AGBL5: variants seen among roughly 807,000 people sequenced by gnomAD.
AGBL5 encodes cytosolic carboxypeptidase-like protein 5.
A neutral mutation model predicts 88.0 loss-of-function variants in AGBL5; 51 were observed. The observed-to-expected ratio is 0.58, with a 90% confidence interval of 0.46 to 0.73. The LOEUF (loss-of-function observed/expected upper bound fraction) is 0.73. Ranked by LOEUF, AGBL5 falls within the 30% of genes least tolerant of loss-of-function variation. The pLI is 0.00. For missense variants in AGBL5, 1,031 were observed against 1,162.2 expected, an observed-to-expected ratio of 0.89 and a Z score of 1.64; for synonymous variants, 446 against 438.8, an observed-to-expected ratio of 1.02 and a Z score of -0.21.
intron 11 of AGBL5, among the ~76,000 whole-genome samples, chr2:27,063,838 A>G (rs994482644): frequency 6.6e-6 from 1 of 152,052 alleles, no homozygotes; most frequent in South Asian, 2.1e-4. Context: ...GACCTCTTAG[A>G]CCTTTGCCCA....
intron 8 of AGBL5, 133 bp from the exon 9 acceptor site, chr2:27,057,170 T>TG (rs1326718745): frequency 5.0e-6 from 5 of 1,003,696 alleles, no homozygotes; most frequent in African/African-American, 1.6e-5. Flanking sequence ...CTAGTTGCTA[T>TG]GGATTATTAG....
At position 27,070,100 on chromosome 2, in the gene AGBL5, A is replaced by C; in HGVS notation, c.2498A>C (p.Gln833Pro). The change falls in exon 15 of 15, where the codon CAG becomes CCG. Residue 833 changes from glutamine (Q) to proline (P), a missense_variant. Around this residue, in one of 2 missense-constraint regions of AGBL5, gnomAD observed 491 missense variants for 484.0 expected, o/e 1.01. Transcript: ENST00000360131. ...TCTCTTTTCTGTTGCAGGCTGCCTC[A>C]GGCCAGGCCCCCACGGCCCCGCTCT... ...GSCSATPGLP[Q>P]ARPPRPRSAP... The C allele has an allele frequency of 6.2e-7, 1 of 1,611,672 alleles. No homozygotes were observed. The highest frequency in any genetic ancestry group is 8.5e-7 in the Non-Finnish European group (1 of 1,178,102).
At chr2:27,068,978 C>T (rs994114273) in intron 13 of AGBL5, 5 of 1,476,588 alleles carry the variant, frequency 3.4e-6, no homozygotes, top group Non-Finnish European at 4.5e-6. Context: ...GCCAGATATA[C>T]CCCAACCTTA....
Position 27,056,684 on chromosome 2 carries a change from G to A in AGBL5, c.1427G>A (p.Gly476Asp). ...SLNSAHFDFQ[G>D]CNFSEKNMYA... ...AATTCAGCCCACTTCGACTTCCAGG[G>A]CTGCAATTTCTCAGAGAAGAATATG... The change falls in exon 8 of 15, where the codon GGC becomes GAC. Residue 476 changes from glycine to aspartate, a missense_variant. By Grantham distance (94) the Gly-to-Asp change is moderately conservative. Transcript: ENST00000360131. The A allele has an allele frequency of 6.2e-7, 1 of 1,613,434 alleles. No homozygotes were observed. The highest frequency in any genetic ancestry group is 8.5e-7 in the Non-Finnish European group (1 of 1,179,574).
At chr2:27,054,443 C>T (rs1382230957) in intron 4 of AGBL5, among the ~76,000 whole-genome samples, 187 bp from the exon 5 acceptor site, 1 of 152,042 alleles carries the variant, frequency 6.6e-6, no homozygotes, top group East Asian at 1.9e-4. Flanking sequence ...TCACCCTGTC[C>T]TGTACTCTTC....
chr2:27,056,496 GA>G (rs1172726559), intron 7 of AGBL5, 126 bp from the exon 8 acceptor site: 10 of 845,144 alleles, frequency 1.2e-5, no homozygotes, highest in Non-Finnish European at 1.8e-5. Context: ...AGGCAGCACT[GA>G]TTACTGTTAA....
At position 27,053,586 on chromosome 2, in the gene AGBL5, T is replaced by C. The variant is rs1668285222; in HGVS notation, c.387+13T>C. Reference sequence around the variant, plus strand: ...GCCCACCTTTGAGGTAAGTTCTCCATGAGGAGGAAAGAAAGACTTGGGTGC... The same window carrying C: ...GCCCACCTTTGAGGTAAGTTCTCCACGAGGAGGAAAGAAAGACTTGGGTGC... On this transcript the variant is annotated intron_variant, in intron 3 of 14. Coordinates refer to ENST00000360131, the MANE Select transcript of AGBL5 (RefSeq NM_021831.6). This position sits in a 1 kb window ranked among gnomAD's most constrained non-coding sequence, Gnocchi z 4.9. 1 of 1,599,630 alleles carries C rather than the reference T, an allele frequency of 6.3e-7. No homozygotes were observed. The highest frequency in any genetic ancestry group is 2.2e-5 in the East Asian group (1 of 44,700).
chr2:27,053,686 G>A lies in AGBL5; in HGVS notation c.387+113G>A. 2 of 1,437,840 alleles carry A rather than the reference G, an allele frequency of 1.4e-6. No homozygotes were observed. The highest frequency in any genetic ancestry group is 1.9e-6 in the Non-Finnish European group (2 of 1,080,046). The allele number at this position is 1,437,840 out of a possible 1,614,324, so 89.1% of individuals were successfully genotyped here. On this transcript the variant is annotated intron_variant, in intron 3 of 14. Coordinates refer to ENST00000360131, the MANE Select transcript of AGBL5 (RefSeq NM_021831.6). The surrounding 1 kb of genome is among the most constrained non-coding windows in gnomAD (Gnocchi z 4.9). ...GAAGCAGGTGGGACAACAGGTTTAA[G>A]TATCAGCTTTTTCTCCAGTGTTAGC...
chr2:27,069,541 C>T (rs1669170593), intron 13 of AGBL5, 32 bp from the exon 14 acceptor site: 2 of 1,599,152 alleles, frequency 1.3e-6, no homozygotes, highest in East Asian at 4.5e-5. Context: ...ATGGAAGAAT[C>T]CAGCCTCTTA....
intron 10 of AGBL5, 51 bp downstream of exon 10, chr2:27,058,653 T>G: frequency 6.3e-7 from 1 of 1,588,608 alleles, no homozygotes; most frequent in Non-Finnish European, 8.6e-7. Context: ...GGGACAGGGC[T>G]CTAGAGCTAG....
At chr2:27,063,597 A>AC (rs1351146008) in intron 11 of AGBL5, among the ~76,000 whole-genome samples, 1 of 151,090 alleles carries the variant, frequency 6.6e-6, no homozygotes, top group Non-Finnish European at 1.5e-5. Context: ...TCCGTCTCAA[A>AC]AAAAAAAAAA....
chr2:27,053,260 C>T lies in AGBL5; in HGVS notation c.215+87C>T, dbSNP rs997914237. On this transcript the variant is annotated intron_variant, in intron 2 of 14. Coordinates refer to ENST00000360131, the MANE Select transcript of AGBL5 (RefSeq NM_021831.6). The surrounding 1 kb of genome is among the most constrained non-coding windows in gnomAD (Gnocchi z 4.9). Reference sequence around the variant, plus strand: ...GACTTATCTGTTCATACCCAGCATACTCCCTGTCCATTTCTGACCCATCGT... The same window carrying T: ...GACTTATCTGTTCATACCCAGCATATTCCCTGTCCATTTCTGACCCATCGT... 1.8e-5 allele frequency: 28 copies of T among 1,518,008 alleles called. No individual in the cohort carries two copies. The highest frequency in any genetic ancestry group is 2.3e-5 in the Non-Finnish European group (26 of 1,121,210). The allele number at this position is 1,518,008 out of a possible 1,614,324, so 94.0% of individuals were successfully genotyped here.
At position 27,053,043 on chromosome 2, in the gene AGBL5, T is replaced by A. The variant is rs748505939; in HGVS notation, c.85T>A (p.Ser29Thr). 127 of 1,613,728 alleles carry A rather than the reference T, an allele frequency of 7.9e-5. No individual in the cohort carries two copies. The highest frequency in any genetic ancestry group is 1.1e-4 in the Non-Finnish European group (126 of 1,179,916). The change falls in exon 2 of 15, where the codon TCC (serine) becomes ACC (threonine). Residue 29 changes from serine (S) to threonine (T), a missense_variant. By Grantham distance (58) the Ser-to-Thr change is moderately conservative. Around this residue, in one of 2 missense-constraint regions of AGBL5, gnomAD observed 540 missense variants for 678.2 expected, o/e 0.80. Coordinates refer to ENST00000360131, the MANE Select transcript of AGBL5 (RefSeq NM_021831.6). The surrounding 1 kb of genome is among the most constrained non-coding windows in gnomAD (Gnocchi z 4.9). ...CCACGTGGAGAAGGTGGAATCTTTG[T>A]CCAGTGATGGGGAAGGGGTAGGAGG... ...LAHVEKVESL[S>T]SDGEGVGGGA... is the part of the protein sequence containing the mutation.
intron 8 of AGBL5, 42 bp downstream of exon 8, chr2:27,056,834 T>C: frequency 6.4e-7 from 1 of 1,558,412 alleles, no homozygotes; most frequent in Admixed American, 1.8e-5. Context: ...ATAGCTTCCC[T>C]AAAGAAAACA....
At position 27,053,800 on chromosome 2, in the gene AGBL5, G is replaced by A; in HGVS notation, c.388-96G>A. On this transcript the variant is annotated intron_variant, in intron 3 of 14. Transcript: ENST00000360131. This position sits in a 1 kb window ranked among gnomAD's most constrained non-coding sequence, Gnocchi z 4.9. Reference sequence around the variant, plus strand: ...GTCACAGGGAGGGAAGTTGGTAAAGGTGATAAGGGTGTGAGGTCAGTTCCT... The same window carrying A: ...GTCACAGGGAGGGAAGTTGGTAAAGATGATAAGGGTGTGAGGTCAGTTCCT... 2 of 1,493,846 alleles carry A rather than the reference G, an allele frequency of 1.3e-6. No individual in the cohort carries two copies. Among genetic ancestry groups the A allele is most frequent in the South Asian group, 1.3e-5 (1 of 74,846 alleles). 92.5% of individuals were successfully genotyped at this position (1,493,846 alleles called of 1,614,324 possible).
Position 27,070,117 on chromosome 2 carries a change from C to G in AGBL5, c.2515C>G (p.Pro839Ala). The G allele has an allele frequency of 6.2e-7, 1 of 1,614,056 alleles. No individual in the cohort carries two copies. The highest frequency in any genetic ancestry group is 1.3e-5 in the African/African-American group (1 of 75,042). The change falls in exon 15 of 15, where the codon CCC becomes GCC. Residue 839 changes from proline to alanine, a missense_variant. Coordinates refer to ENST00000360131, the MANE Select transcript of AGBL5 (RefSeq NM_021831.6). Reference sequence around the variant, plus strand: ...GCTGCCTCAGGCCAGGCCCCCACGGCCCCGCTCTGCCCCTGCCTTTTCTCC... The same window carrying G: ...GCTGCCTCAGGCCAGGCCCCCACGGGCCCGCTCTGCCCCTGCCTTTTCTCC... Reference protein sequence around the residue: ...PGLPQARPPRPRSAPAFSPIS... With the variant: ...PGLPQARPPRARSAPAFSPIS...
At chr2:27,067,319 T>C (rs955531734) in intron 11 of AGBL5, among the ~76,000 whole-genome samples, 175 bp from the exon 12 acceptor site, 13 of 147,806 alleles carry the variant, frequency 8.8e-5, no homozygotes, top group African/African-American at 2.5e-4. Context: ...CTGTAATAAA[T>C]AGTAGGTCTT....
chr2:27,059,532 A>G (rs1251651277), intron 11 of AGBL5, 128 bp downstream of exon 11: 1 of 1,534,036 alleles, frequency 6.5e-7, no homozygotes, highest in Non-Finnish European at 8.7e-7. Flanking sequence ...AGTTTGTAGC[A>G]GAACCTGTGG....
At position 27,057,357 on chromosome 2, in the gene AGBL5, T is replaced by C; in HGVS notation, c.1590T>C (p.Ala530=). ...NTGRSVNSIP[A]ACHDNGRASP... is the part of the protein sequence containing the mutation. Reference sequence around the variant, plus strand: ...GACGCTCAGTAAACAGCATCCCTGCTGCCTGCCATGACAATGGGCGTGCCA... The same window carrying C: ...GACGCTCAGTAAACAGCATCCCTGCCGCCTGCCATGACAATGGGCGTGCCA... Residue 530 remains alanine, a synonymous_variant, in exon 9 of 15, where the codon GCT becomes GCC. Coordinates refer to ENST00000360131, the MANE Select transcript of AGBL5 (RefSeq NM_021831.6). 6.2e-7 allele frequency: 1 copy of C among 1,614,136 alleles called. No individual in the cohort carries two copies. Among genetic ancestry groups the C allele is most frequent in the East Asian group, 2.2e-5 (1 of 44,888 alleles).
Sources: gnomAD v4.1 joint callset for allele counts (sites outside exome capture counted in the v4.1 genomes callset) on GRCh38, gnomAD v4.1.1 for gene constraint, gnomAD v4.1.1 regional missense constraint, Gnocchi (gnomAD v3.1) non-coding constraint, MANE v1.5 for transcripts, NCBI Gene and HGNC (gene_info 2026-07-23, HGNC 2026-07-21) for gene names.